Variants in SND1 observed in about 807,000 individuals in gnomAD.
The protein encoded by SND1 is staphylococcal nuclease and tudor domain containing 1.
In SND1, 38 loss-of-function variants were observed where a neutral mutation model predicts 121.7. The ratio of observed to expected loss-of-function variants is 0.31; its 90% CI spans 0.24 to 0.41. The LOEUF is 0.41. Among genes scored for constraint, SND1 ranks in the 10% least tolerant of loss-of-function variants. The pLI is 1.00. For synonymous variants in SND1, 401 were observed against 447.4 expected (o/e 0.90, Z 1.31); for missense variants, 868 against 1,184.6 (o/e 0.73, Z 3.92).
chr7:127,894,613 A>G (rs534968212), intron 13 of SND1, among the ~76,000 whole-genome samples: 5 of 152,260 alleles, frequency 3.3e-5, no homozygotes, highest in South Asian at 4.1e-4. Context: ...TTTCATTTCT[A>G]TACCAGTCTG....
At chr7:127,911,754 C>A (rs1010566510) in intron 14 of SND1, among the ~76,000 whole-genome samples, 4 of 152,130 alleles carry the variant, frequency 2.6e-5, no homozygotes, top group Non-Finnish European at 5.9e-5. Flanking sequence ...CCCACCTTGG[C>A]CTCCCAAAGT....
At chr7:127,674,133 C>T (rs927446617) in intron 1 of SND1, among the ~76,000 whole-genome samples, 1 of 151,888 alleles carries the variant, frequency 6.6e-6, no homozygotes, top group East Asian at 1.9e-4. Flanking sequence ...TGCCTTCCTC[C>T]CTCCCTTCCT....
chr7:127,654,172 C>T (rs1382949469), intron 1 of SND1, among the ~76,000 whole-genome samples: 2 of 152,110 alleles, frequency 1.3e-5, no homozygotes. Flanking sequence ...GCTTTTAGGG[C>T]ATCTGGATTC....
chr7:127,985,235 C>G (rs1294232616), intron 15 of SND1, among the ~76,000 whole-genome samples: 2 of 152,152 alleles, frequency 1.3e-5, no homozygotes, highest in Non-Finnish European at 2.9e-5. Flanking sequence ...TCCTGTTAAG[C>G]CCCGTGATTG....
At chr7:127,687,656 T>C (rs1040579327) in intron 2 of SND1, among the ~76,000 whole-genome samples, 46 of 152,230 alleles carry the variant, frequency 3.0e-4, no homozygotes, top group Non-Finnish European at 5.9e-4. Context: ...GATTTCAGTA[T>C]TTTTTTATGG....
intron 13 of SND1, among the ~76,000 whole-genome samples, chr7:127,900,774 C>T (rs776224849): frequency 6.6e-6 from 1 of 152,180 alleles, no homozygotes; most frequent in African/African-American, 2.4e-5. Flanking sequence ...TATATACTTT[C>T]TTTCCCTGAC....
At chr7:127,989,528 C>G (rs908337937) in intron 15 of SND1, among the ~76,000 whole-genome samples, 2 of 152,242 alleles carry the variant, frequency 1.3e-5, no homozygotes, top group East Asian at 3.9e-4. Context: ...ACAGTGGGAC[C>G]TTGTCTCCAC....
At chr7:128,030,722 T>C in intron 16 of SND1, 1 of 1,466,462 alleles carries the variant, frequency 6.8e-7, no homozygotes, top group South Asian at 1.4e-5. Context: ...TTAAGTGAGC[T>C]AGGAGCTCCT....
rs1011716462 is a variant in SND1, at chr7:127,894,820, T to C, written c.1454+6808T>C. Among the ~76,000 whole-genome samples, 209 of 151,958 alleles carry C rather than the reference T, an allele frequency of 1.4e-3. 1 individual carries two copies. Among genetic ancestry groups the C allele is most frequent in the African/African-American group, 4.7e-3 (194 of 41,466 alleles). The stretch of plus-strand genomic sequence containing the variant: ...TCTTCTCTTTATTCCTTTTTTTTTT[T>C]TTTTCTTTTAAGTGTATCCTGGCTT... On this transcript the variant is annotated intron_variant, in intron 13 of 23. Transcript: ENST00000354725.
chr7:127,888,222 AAAT>A lies in SND1; in HGVS notation c.1454+212_1454+214del, dbSNP rs1218235612. On this transcript the variant is annotated intron_variant, in intron 13 of 23. Coordinates refer to ENST00000354725, the MANE Select transcript of SND1 (RefSeq NM_014390.4). ...AGTGCACTTGGTCTTCCATTTTAAA[AAAT>A]ATGTAAAATAGGTATATATTAGATA... Among the ~76,000 whole-genome samples, 14 of 152,116 alleles carry A rather than the reference AAAT, an allele frequency of 9.2e-5. No homozygotes were observed. In the East Asian group the frequency reaches 2.5e-3, roughly 27 times the overall value.
intron 16 of SND1, among the ~76,000 whole-genome samples, chr7:128,057,254 G>A (rs963345241): frequency 2.6e-5 from 4 of 152,198 alleles, no homozygotes; most frequent in African/African-American, 7.2e-5. Flanking sequence ...TTTCCTGGAG[G>A]AAGGACTGCC....
chr7:128,024,763 C>T (rs1803435865), intron 16 of SND1, among the ~76,000 whole-genome samples: 1 of 152,210 alleles, frequency 6.6e-6, no homozygotes, highest in Non-Finnish European at 1.5e-5. Context: ...AGTCCTGGAG[C>T]ACATTGTAGA....
At chr7:127,958,545 A>AT (rs1408329894) in intron 15 of SND1, among the ~76,000 whole-genome samples, 2 of 152,220 alleles carry the variant, frequency 1.3e-5, no homozygotes, top group Non-Finnish European at 2.9e-5. Flanking sequence ...AAATAGAGTC[A>AT]TGTAAGGCTA....
At chr7:128,080,656 G>C (rs1108809) in intron 17 of SND1, among the ~76,000 whole-genome samples, 8,341 of 152,174 alleles carry the variant, frequency 0.055, 625 homozygotes, top group African/African-American at 0.17. Context: ...GGTGTGAGGA[G>C]CCCAGAGCCA....
rs990444495 is a variant in SND1, at chr7:128,052,084, G to A, written c.1780-22418G>A. ...GTTGATAGACACCGATATCAGAGGTGTAAGGATGACATTTGCTTTGGGGAG... is the reference window on the plus strand; with the variant it reads ...GTTGATAGACACCGATATCAGAGGTATAAGGATGACATTTGCTTTGGGGAG... On this transcript the variant is annotated intron_variant, in intron 16 of 23. Coordinates refer to ENST00000354725, the MANE Select transcript of SND1 (RefSeq NM_014390.4). This position sits in a 1 kb window ranked among gnomAD's most constrained non-coding sequence, Gnocchi z 4.6. Among the ~76,000 whole-genome samples, 4 of 152,176 alleles carry A rather than the reference G, an allele frequency of 2.6e-5. No homozygotes were observed. The highest frequency in any genetic ancestry group is 7.2e-5 in the African/African-American group (3 of 41,440).
At chr7:127,857,380 T>TTTTA (rs1422394897) in intron 12 of SND1, among the ~76,000 whole-genome samples, 2 of 148,924 alleles carry the variant, frequency 1.3e-5, no homozygotes, top group Non-Finnish European at 3.0e-5. Context: ...TTTTTTTTTT[T>TTTTA]TTAAAGCAGA....
chr7:127,911,962 G>T (rs1800467754), intron 14 of SND1, among the ~76,000 whole-genome samples: 1 of 151,782 alleles, frequency 6.6e-6, no homozygotes, highest in South Asian at 2.1e-4. Flanking sequence ...TTTGTACATG[G>T]TTTGTTTCTC....
intron 16 of SND1, among the ~76,000 whole-genome samples, chr7:128,035,067 C>T (rs1792722895): frequency 6.6e-6 from 1 of 152,188 alleles, no homozygotes; most frequent in Non-Finnish European, 1.5e-5. Flanking sequence ...CCAGAGAGAG[C>T]TAAAAAAGCC....
At chr7:127,844,611 G>A (rs543889931) in intron 12 of SND1, among the ~76,000 whole-genome samples, 187 bp downstream of exon 12, 11 of 152,166 alleles carry the variant, frequency 7.2e-5, no homozygotes, top group Admixed American at 3.9e-4. Flanking sequence ...TTAGCTAATC[G>A]TATACTTTCA....
Sources: gnomAD v4.1 joint callset for allele counts (sites outside exome capture counted in the v4.1 genomes callset) on GRCh38, gnomAD v4.1.1 for gene constraint, Gnocchi (gnomAD v3.1) non-coding constraint, MANE v1.5 for transcripts, NCBI Gene and HGNC (gene_info 2026-07-23, HGNC 2026-07-21) for gene names.